Variants in ZRSR2 observed in about 807,000 individuals in gnomAD.
The protein encoded by ZRSR2 is zinc finger CCCH-type, RNA binding motif and serine/arginine rich 2, also known as U2 small nuclear ribonucleoprotein auxiliary factor 35 kDa subunit-related protein 2.
In ZRSR2, 3 loss-of-function variants were observed where a neutral mutation model predicts 39.4. The observed-to-expected ratio is 0.08, with a 90% CI of 0.03 to 0.20. ZRSR2 has a LOEUF of 0.20. Among genes scored for constraint, ZRSR2 ranks in the 10% least tolerant of loss-of-function variants. The pLI is 1.00. For missense variants in ZRSR2, 256 were observed against 391.5 expected, an observed-to-expected ratio of 0.65 and a Z score of 2.92; for synonymous variants, 137 against 136.0, an observed-to-expected ratio of 1.01 and a Z score of -0.05.
intron 1 of ZRSR2, 44 bp downstream of exon 1, chrX:15,790,580 T>A: frequency 8.7e-7 from 1 of 1,150,800 alleles, no homozygotes; most frequent in African/African-American, 1.8e-5. Context: ...GGGCCGATCG[T>A]GGGCATGGAG....
At chrX:15,807,627 C>T (rs939565328) in intron 5 of ZRSR2, among the ~76,000 whole-genome samples, 2 of 110,511 alleles carry the variant, frequency 1.8e-5, no homozygotes, top group Admixed American at 9.7e-5. Context: ...CCCCCTTTTA[C>T]GAACTAGGAC....
At chrX:15,805,505 C>T (rs1025620458) in intron 5 of ZRSR2, among the ~76,000 whole-genome samples, 9 of 112,407 alleles carry the variant, frequency 8.0e-5, no homozygotes, top group African/African-American at 2.6e-4. Context: ...GTATGCTAGA[C>T]ACTTCGCTAG....
chrX:15,799,219 A>T (rs1028130498), intron 2 of ZRSR2, among the ~76,000 whole-genome samples: 2 of 107,596 alleles, frequency 1.9e-5, no homozygotes, highest in Non-Finnish European at 3.8e-5. Flanking sequence ...AGATCGCTCC[A>T]TTGGAAAGCA....
At chrX:15,793,226 C>A (rs953217542) in intron 2 of ZRSR2, among the ~76,000 whole-genome samples, 2 of 111,522 alleles carry the variant, frequency 1.8e-5, no homozygotes, top group Admixed American at 1.9e-4. Context: ...GTTTTAACTT[C>A]TTTCTCTTTT....
At chrX:15,799,840 A>T in intron 2 of ZRSR2, 32 bp from the exon 3 acceptor site, 2 of 1,019,867 alleles carry the variant, frequency 2.0e-6, no homozygotes, top group Non-Finnish European at 2.7e-6. Flanking sequence ...GATTTGCAGC[A>T]CTCAGTTTAA....
intron 10 of ZRSR2, among the ~76,000 whole-genome samples, chrX:15,822,019 C>G (rs767637141): frequency 2.7e-4 from 29 of 109,159 alleles, no homozygotes; most frequent in African/African-American, 9.7e-4. Flanking sequence ...GAGAGTGAGT[C>G]TCACTCTGTC....
chrX:15,823,177 C>T lies in ZRSR2; in HGVS notation c.1384C>T (p.Arg462Ter). The change falls in exon 11 of 11, where the codon CGA (arginine) becomes TGA (stop). Residue 462 changes from arginine to a stop codon, truncating the protein, a stop_gained. Transcript: ENST00000307771. LOFTEE classifies it high-confidence loss of function. ...RSRSQSSSRS[R>*]SRGRRRSGNR... is the part of the protein sequence containing the mutation. ...CCGGAGCCAAAGTTCCTCTAGGTCC[C>T]GAAGTCGTGGCAGGAGGAGGTCGGG... 8.3e-7 allele frequency: 1 copy of T among 1,200,776 alleles called. No individual in the cohort carries two copies. Among genetic ancestry groups the T allele is most frequent in the South Asian group, 1.8e-5 (1 of 55,645 alleles).
intron 2 of ZRSR2, among the ~76,000 whole-genome samples, chrX:15,794,413 T>C (rs888997604): frequency 2.2e-4 from 25 of 111,435 alleles, no homozygotes; most frequent in African/African-American, 7.2e-4. Context: ...CTGTTGACTC[T>C]AAGCCTTACC....
intron 9 of ZRSR2, 83 bp from the exon 10 acceptor site, chrX:15,820,124 A>G: frequency 2.4e-6 from 2 of 821,716 alleles, no homozygotes; most frequent in Non-Finnish European, 3.6e-6. Flanking sequence ...ACAATAAATT[A>G]ATAACGGGGT....
chrX:15,799,057 G>A (rs1296106872), intron 2 of ZRSR2, among the ~76,000 whole-genome samples: 6 of 109,659 alleles, frequency 5.5e-5, no homozygotes, highest in South Asian at 3.9e-4. Context: ...ATGGTGGCGC[G>A]CGCCTGTAGT....
At position 15,807,880 on chromosome X, in the gene ZRSR2, A is replaced by T. The variant is rs1028699021; in HGVS notation, c.400-353A>T. Among the ~76,000 whole-genome samples, 46 of 108,579 alleles carry T rather than the reference A, an allele frequency of 4.2e-4. 2 individuals are homozygous for T. Among genetic ancestry groups the T allele is most frequent in the Admixed American group, 2.0e-4 (2 of 10,108 alleles). The allele number at this position is 108,579 out of a possible 115,157, so 94.3% of individuals were successfully genotyped here. ...CATGGTGAAACTCCGTCTCTACAGA[A>T]AATACAAAAGTTATCCAGGCGTGGT... On this transcript the variant is annotated intron_variant, in intron 5 of 10. Transcript: ENST00000307771.
intron 2 of ZRSR2, 46 bp downstream of exon 2, chrX:15,791,059 T>C (rs1446683680): frequency 9.0e-7 from 1 of 1,110,808 alleles, no homozygotes; most frequent in Non-Finnish European, 1.2e-6. Flanking sequence ...AATTGCTCTG[T>C]CCACTCCAGC....
At chrX:15,801,336 C>T (rs1327157948) in intron 3 of ZRSR2, 1 of 275,703 alleles carries the variant, frequency 3.6e-6, no homozygotes, top group Non-Finnish European at 7.1e-6. Flanking sequence ...TCACACGATT[C>T]TCCTGCCTCA....
intron 8 of ZRSR2, among the ~76,000 whole-genome samples, chrX:15,817,101 G>A (rs990799040): frequency 1.2e-4 from 13 of 111,783 alleles, no homozygotes; most frequent in African/African-American, 4.2e-4. Flanking sequence ...GGTTTTCCTC[G>A]TAGGGTTTCT....
At chrX:15,805,159 A>G (rs898575346) in intron 5 of ZRSR2, among the ~76,000 whole-genome samples, 1 of 112,141 alleles carries the variant, frequency 8.9e-6, no homozygotes, top group Non-Finnish European at 1.9e-5. Context: ...AGCCTCCACG[A>G]TCTTTGTTTT....
Position 15,818,659 on chromosome X carries a change from T to C in ZRSR2, c.827+17T>C, listed in dbSNP as rs373603536. 6.8e-6 allele frequency: 8 copies of C among 1,169,561 alleles called. No individual in the cohort carries two copies. Among genetic ancestry groups the C allele is most frequent in the Non-Finnish European group, 9.2e-6 (8 of 867,827 alleles). On this transcript the variant is annotated intron_variant, in intron 9 of 10. Coordinates refer to ENST00000307771, the MANE Select transcript of ZRSR2 (RefSeq NM_005089.4). ...GTACCAGTCGTAAGTATTCTGCTTGTGGATGTCTTCCTGATTTGTCACAGT... is the reference window on the plus strand; with the variant it reads ...GTACCAGTCGTAAGTATTCTGCTTGCGGATGTCTTCCTGATTTGTCACAGT...
chrX:15,821,944 ATAATCT>A (rs1569074118), intron 10 of ZRSR2, among the ~76,000 whole-genome samples: 1 of 111,214 alleles, frequency 9.0e-6, no homozygotes, highest in Non-Finnish European at 1.9e-5. Flanking sequence ...TGTAATGTTT[ATAATCT>A]TAAAGTTTAA....
chrX:15,820,050 T>C (rs1213260248), intron 9 of ZRSR2, among the ~76,000 whole-genome samples, 157 bp from the exon 10 acceptor site: 1 of 112,336 alleles, frequency 8.9e-6, no homozygotes, highest in East Asian at 2.8e-4. Flanking sequence ...AATTGGGAGC[T>C]TTGGGAGCTT....
At chrX:15,801,379 C>T (rs919320173) in intron 3 of ZRSR2, 6 of 301,058 alleles carry the variant, frequency 2.0e-5, no homozygotes, top group African/African-American at 1.4e-4. Context: ...CAGGCACGCA[C>T]CGCCACACCC....
Sources: allele counts gnomAD v4.1 joint callset (sites outside exome capture counted in the v4.1 genomes callset), GRCh38; gene constraint gnomAD v4.1.1; transcripts MANE v1.5; gene names NCBI Gene and HGNC (gene_info 2026-07-23, HGNC 2026-07-21).